The following PTPRK variants were observed in gnomAD, a reference collection of about 807,000 sequenced individuals.
PTPRK encodes receptor-type tyrosine-protein phosphatase kappa.
A neutral mutation model predicts 178.0 loss-of-function variants in PTPRK; 75 were observed. The ratio of observed to expected loss-of-function variants is 0.42; its 90% CI spans 0.35 to 0.51. The LOEUF is 0.51. PTPRK is among the 20% of genes least tolerant of loss of function. PTPRK has a pLI of 0.02. For missense variants in PTPRK, 1,441 were observed against 1,797.8 expected (o/e 0.80, Z 3.59); for synonymous variants, 637 against 620.6 (o/e 1.03, Z -0.39).
At chr6:128,084,700 G>A (rs1342935854) in intron 8 of PTPRK, among the ~76,000 whole-genome samples, 1 of 152,080 alleles carries the variant, frequency 6.6e-6, no homozygotes, top group African/African-American at 2.4e-5. Flanking sequence ...TTTCGCTATC[G>A]TGTATTTTCC....
intron 7 of PTPRK, among the ~76,000 whole-genome samples, chr6:128,102,637 G>T (rs1301491434): frequency 6.6e-6 from 1 of 152,314 alleles, no homozygotes; most frequent in African/African-American, 2.4e-5. Context: ...GTGGAAGAAA[G>T]TGTGCATGGG....
intron 1 of PTPRK, among the ~76,000 whole-genome samples, chr6:128,497,082 A>T (rs766451631): frequency 2.0e-4 from 31 of 152,232 alleles, no homozygotes; most frequent in Non-Finnish European, 3.5e-4. Flanking sequence ...GTGATTAATC[A>T]CTTATAAAAT....
intron 13 of PTPRK, among the ~76,000 whole-genome samples, chr6:128,026,058 T>C (rs1344303081): frequency 6.6e-6 from 1 of 152,164 alleles, no homozygotes; most frequent in East Asian, 1.9e-4. Flanking sequence ...TTTTTCAAGG[T>C]ATAGGCTTTA....
intron 5 of PTPRK, among the ~76,000 whole-genome samples, chr6:128,237,548 T>A (rs1267932161): frequency 6.6e-6 from 1 of 152,192 alleles, no homozygotes; most frequent in Non-Finnish European, 1.5e-5. Flanking sequence ...CGTAAAGACC[T>A]AGTTTAGCAT....
At chr6:128,468,703 C>T (rs1308782447) in intron 1 of PTPRK, among the ~76,000 whole-genome samples, 1 of 152,066 alleles carries the variant, frequency 6.6e-6, no homozygotes, top group African/African-American at 2.4e-5. Context: ...TGTCCACCCA[C>T]CCAAGAAGCA....
At chr6:128,134,761 A>G (rs1022557187) in intron 7 of PTPRK, among the ~76,000 whole-genome samples, 4 of 152,110 alleles carry the variant, frequency 2.6e-5, no homozygotes, top group Non-Finnish European at 5.9e-5. Context: ...CAGTGATTGT[A>G]CCACTGCACT....
intron 7 of PTPRK, among the ~76,000 whole-genome samples, chr6:128,146,432 G>GTGTGTTTA: frequency 6.6e-6 from 1 of 150,420 alleles, no homozygotes; most frequent in African/African-American, 2.4e-5. Context: ...TTATGTGTGT[G>GTGTGTTTA]TGTGTGTGTG....
chr6:128,230,889 G>A (rs1812185903), intron 5 of PTPRK: 1 of 152,176 alleles, frequency 6.6e-6, no homozygotes, highest in African/African-American at 2.4e-5. Flanking sequence ...AGATAAGGAA[G>A]GTAAAGAATA....
chr6:128,382,607 T>C (rs1584458153), intron 2 of PTPRK, among the ~76,000 whole-genome samples: 1 of 151,828 alleles, frequency 6.6e-6, no homozygotes, highest in Non-Finnish European at 1.5e-5. Context: ...TTTTTGGTTT[T>C]GTTTGTATTT....
intron 7 of PTPRK, among the ~76,000 whole-genome samples, chr6:128,127,505 G>A (rs1329040223): frequency 6.6e-6 from 1 of 152,092 alleles, no homozygotes; most frequent in Admixed American, 6.6e-5. Context: ...GACCCTATAT[G>A]CACTGTATTA....
intron 12 of PTPRK, among the ~76,000 whole-genome samples, chr6:128,067,054 TTATTTAC>T (rs1168865582): frequency 1.3e-5 from 2 of 152,228 alleles, no homozygotes; most frequent in Non-Finnish European, 2.9e-5. Context: ...TTGTTACATG[TTATTTAC>T]TATTTGGCTT....
chr6:128,090,804 T>C (rs1311991051), intron 7 of PTPRK, among the ~76,000 whole-genome samples: 1 of 152,156 alleles, frequency 6.6e-6, no homozygotes, highest in African/African-American at 2.4e-5. Flanking sequence ...TCTATGAAAC[T>C]CATGGCCATG....
At chr6:128,281,277 G>T (rs1230506569) in intron 3 of PTPRK, among the ~76,000 whole-genome samples, 1 of 152,144 alleles carries the variant, frequency 6.6e-6, no homozygotes, top group East Asian at 1.9e-4. Context: ...GAAGGCAGGA[G>T]GTGCTGATTG....
At position 127,991,527 on chromosome 6, in the gene PTPRK, A is replaced by G. The variant is rs943861302; in HGVS notation, c.2882-136T>C. ...ACACAAAATGTCACTGAAAATACTT[A>G]AATTCAGTTCATATCTAAATTCCCA... On this transcript the variant is annotated intron_variant, in intron 19 of 29. Coordinates refer to ENST00000368226, the MANE Select transcript of PTPRK (RefSeq NM_002844.4). 1.3e-4 allele frequency: 70 copies of G among 528,012 alleles called. 1 individual carries two copies. Among genetic ancestry groups the G allele is most frequent in the Non-Finnish European group, 2.0e-4 (65 of 327,662 alleles). The allele number at this position is 528,012 out of a possible 1,614,324, so 32.7% of individuals were successfully genotyped here.
intron 1 of PTPRK, among the ~76,000 whole-genome samples, chr6:128,448,218 C>A (rs912805719): frequency 1.3e-5 from 2 of 152,158 alleles, no homozygotes; most frequent in African/African-American, 2.4e-5. Context: ...GCTATAGATA[C>A]TTCACAAATG....
intron 1 of PTPRK, among the ~76,000 whole-genome samples, chr6:128,472,864 A>G: frequency 6.6e-6 from 1 of 152,088 alleles, no homozygotes; most frequent in East Asian, 1.9e-4. Context: ...CTGGGACAAA[A>G]TCATGCCCCT....
chr6:127,995,512 G>A lies in PTPRK; in HGVS notation c.2794C>T (p.Pro932Ser), dbSNP rs1010869659. 6.3e-7 allele frequency: 1 copy of A among 1,597,590 alleles called. No homozygotes were observed. Among genetic ancestry groups the A allele is most frequent in the Non-Finnish European group, 8.5e-7 (1 of 1,170,458 alleles). The change falls in exon 18 of 30, where the codon CCC becomes TCC. Residue 932 changes from proline to serine, a missense_variant. Pro to Ser is a moderately conservative substitution (Grantham distance 74, BLOSUM62 -1). Around this residue, in one of 4 missense-constraint regions of PTPRK, gnomAD observed 945 missense variants for 1,080.6 expected, o/e 0.87. Transcript: ENST00000368226. ...TCTGAGGAAGGATCATCCTCTACGG[G>A]TTGCAAAATCACTCTGGAGTGATCA... ...AYDHSRVILQ[P>S]VEDDPSSDYI...
intron 7 of PTPRK, among the ~76,000 whole-genome samples, chr6:128,167,552 T>G (rs1799601162): frequency 6.6e-6 from 1 of 152,004 alleles, no homozygotes; most frequent in Admixed American, 6.6e-5. Context: ...AGTTACTTGG[T>G]TGCTACTCAA....
chr6:128,220,588 G>C (rs1162809766), intron 5 of PTPRK, among the ~76,000 whole-genome samples: 1 of 152,040 alleles, frequency 6.6e-6, no homozygotes, highest in Non-Finnish European at 1.5e-5. Context: ...AAAATGATTT[G>C]TTACTATCTA....
Sources: gnomAD v4.1 joint callset for allele counts (sites outside exome capture counted in the v4.1 genomes callset) on GRCh38, gnomAD v4.1.1 for gene constraint, gnomAD v4.1.1 regional missense constraint, MANE v1.5 for transcripts, NCBI Gene and HGNC (gene_info 2026-07-23, HGNC 2026-07-21) for gene names.